Variants in CACUL1 observed in about 807,000 individuals in gnomAD.
CACUL1 encodes CDK2-associated and cullin domain-containing protein 1.
CACUL1 carries 13 observed loss-of-function variants against 45.2 expected under a neutral mutation model. That is an observed-to-expected ratio of 0.29 (90% CI 0.19 to 0.46). The LOEUF (loss-of-function observed/expected upper bound fraction) is 0.46, where lower values mean the gene tolerates loss of function less well. Ranked by LOEUF, CACUL1 falls within the 20% of genes least tolerant of loss-of-function variation. The probability of loss-of-function intolerance (pLI) is 1.00; values close to 1 mark genes in which losing one functional copy is unlikely to be tolerated. For missense variants in CACUL1, 421 were observed against 471.4 expected, an observed-to-expected ratio of 0.89 and a Z score of 0.99; for synonymous variants, 197 against 174.2, an observed-to-expected ratio of 1.13 and a Z score of -1.03.
chr10:118,753,736 G>A (rs1238973015), intron 1 of CACUL1, among the ~76,000 whole-genome samples: 4 of 152,186 alleles, frequency 2.6e-5, no homozygotes, highest in Non-Finnish European at 5.9e-5. Context: ...AACCCATCCT[G>A]AAAGGCTTAT....
chr10:118,744,979 G>A (rs530314458), intron 1 of CACUL1, among the ~76,000 whole-genome samples: 4 of 152,038 alleles, frequency 2.6e-5, no homozygotes, highest in Admixed American at 1.3e-4. Flanking sequence ...AAAAAGATAC[G>A]TGACAGTTTT....
At chr10:118,744,347 T>C (rs1006648645) in intron 1 of CACUL1, among the ~76,000 whole-genome samples, 1 of 151,484 alleles carries the variant, frequency 6.6e-6, no homozygotes, top group African/African-American at 2.4e-5. Context: ...GATCGCGCCA[T>C]TGCACTCCAG....
chr10:118,697,366 C>T (rs985850706), intron 5 of CACUL1, among the ~76,000 whole-genome samples: 2 of 152,216 alleles, frequency 1.3e-5, no homozygotes, highest in African/African-American at 2.4e-5. Context: ...AAATTCTGTA[C>T]TCTACTTCAC....
chr10:118,745,640 AT>A (rs1845834875), intron 1 of CACUL1, among the ~76,000 whole-genome samples: 1 of 152,208 alleles, frequency 6.6e-6, no homozygotes, highest in Admixed American at 6.5e-5. Context: ...GTGCAAGACA[AT>A]ATGATTTAAA....
chr10:118,711,548 A>C (rs1481867246), intron 3 of CACUL1, among the ~76,000 whole-genome samples: 1 of 152,240 alleles, frequency 6.6e-6, no homozygotes, highest in African/African-American at 2.4e-5. Flanking sequence ...CAAAGAAATA[A>C]ATTTTAGAAG....
intron 3 of CACUL1, among the ~76,000 whole-genome samples, chr10:118,724,624 G>A (rs1198571923): frequency 6.6e-6 from 1 of 152,106 alleles, no homozygotes; most frequent in Admixed American, 6.6e-5. Flanking sequence ...TATCAAATTA[G>A]GGTTTTTAGG....
At chr10:118,747,185 T>G (rs900386668) in intron 1 of CACUL1, among the ~76,000 whole-genome samples, 1 of 152,194 alleles carries the variant, frequency 6.6e-6, no homozygotes, top group African/African-American at 2.4e-5. Context: ...AACTGGTCCC[T>G]GGTGGGGACC....
At chr10:118,692,949 G>C (rs994955889) in intron 6 of CACUL1, 1 of 152,188 alleles carries the variant, frequency 6.6e-6, no homozygotes, top group Non-Finnish European at 1.5e-5. Context: ...TTCCAGTCCA[G>C]CTCAAATATG....
chr10:118,744,890 G>A (rs1845826840), intron 1 of CACUL1, among the ~76,000 whole-genome samples: 1 of 152,024 alleles, frequency 6.6e-6, no homozygotes, highest in Admixed American at 6.6e-5. Context: ...TCCTGACCTT[G>A]TGATTCACCC....
Position 118,685,617 on chromosome 10 carries a change from C to G in CACUL1, c.*511G>C, listed in dbSNP as rs765215313. ...TTTCCTTTAACAAGACTTTCTAATG[C>G]TAAACAAAGACCAACTCTTTTAAAA... On this transcript the variant is annotated 3_prime_UTR_variant, in exon 9 of 9. Coordinates refer to ENST00000369151, the MANE Select transcript of CACUL1 (RefSeq NM_153810.5). The G allele has an allele frequency of 6.6e-6, 1 of 152,566 alleles. No individual in the cohort carries two copies. Among genetic ancestry groups the G allele is most frequent in the Non-Finnish European group, 1.5e-5 (1 of 68,088 alleles). 9.5% of individuals were successfully genotyped at this position (152,566 alleles called of 1,614,324 possible).
intron 1 of CACUL1, 40 bp from the exon 2 acceptor site, chr10:118,730,450 A>G (rs908020060): frequency 1.3e-6 from 2 of 1,552,068 alleles, no homozygotes; most frequent in East Asian, 4.9e-5. Context: ...TACGTGCCAC[A>G]TGTGGAGCAA....
chr10:118,724,397 A>AG (rs1323236867), intron 3 of CACUL1, among the ~76,000 whole-genome samples: 1 of 152,040 alleles, frequency 6.6e-6, no homozygotes, highest in Admixed American at 6.6e-5. Flanking sequence ...TGCTCTCAGC[A>AG]GGGGGGGTGG....
At chr10:118,711,162 C>T (rs1845481272) in intron 3 of CACUL1, among the ~76,000 whole-genome samples, 1 of 152,240 alleles carries the variant, frequency 6.6e-6, no homozygotes, top group South Asian at 2.1e-4. Flanking sequence ...TCACTGCAAC[C>T]TCCGTCTCCC....
At position 118,683,127 on chromosome 10, in the gene CACUL1, C is replaced by T. The variant is rs531429924; in HGVS notation, c.*3001G>A. ...TGAAGCTTAAGGCCAACCTTTAAAACATGTACCGTCTCTCAAAACAATTAT... is the reference window on the plus strand; with the variant it reads ...TGAAGCTTAAGGCCAACCTTTAAAATATGTACCGTCTCTCAAAACAATTAT... On this transcript the variant is annotated 3_prime_UTR_variant, in exon 9 of 9. Transcript: ENST00000369151. The T allele has an allele frequency of 2.6e-5, 4 of 152,140 alleles. No homozygotes were observed. Among genetic ancestry groups the T allele is most frequent in the Non-Finnish European group, 5.9e-5 (4 of 68,028 alleles). 9.4% of individuals were successfully genotyped at this position (152,140 alleles called of 1,614,324 possible). A position where few individuals can be genotyped will look rare whatever the true frequency, so the allele number is the denominator to read the frequency against.
chr10:118,710,863 T>C (rs73423951), intron 3 of CACUL1, among the ~76,000 whole-genome samples: 7,391 of 152,324 alleles, frequency 0.049, 581 homozygotes, highest in African/African-American at 0.17. Flanking sequence ...TTAACAAGGC[T>C]GTATGACATT....
At chr10:118,728,143 T>C (rs754714611) in intron 3 of CACUL1, among the ~76,000 whole-genome samples, 24 of 152,102 alleles carry the variant, frequency 1.6e-4, no homozygotes, top group Non-Finnish European at 2.8e-4. Context: ...CAACAACTGT[T>C]TGGGGAAAAA....
intron 3 of CACUL1, among the ~76,000 whole-genome samples, chr10:118,714,457 AAATTTTCCAAAATTTT>A (rs1459900443): frequency 6.6e-6 from 1 of 152,236 alleles, no homozygotes. Flanking sequence ...TGGTAGATAT[AAATTTTCCAAAATTTT>A]AATTTTCACT....
chr10:118,706,687 T>A (rs1268534974), intron 4 of CACUL1, among the ~76,000 whole-genome samples: 1 of 152,234 alleles, frequency 6.6e-6, no homozygotes, highest in Non-Finnish European at 1.5e-5. Context: ...TTACATTGAC[T>A]AGAAAACTCG....
rs1455289295 is a variant in CACUL1 at position 118,686,003 on chromosome 10, C to T, written c.*125G>A. The T allele has an allele frequency of 1.8e-6, 1 of 545,522 alleles. No homozygotes were observed. The highest frequency in any genetic ancestry group is 3.3e-6 in the Non-Finnish European group (1 of 307,530). 33.8% of individuals were successfully genotyped at this position (545,522 alleles called of 1,614,324 possible). ...CAAACCAAGTAAGAAGTCCAACATC[C>T]TCTTCCATGAACAGCTTTGTGACAG... On this transcript the variant is annotated 3_prime_UTR_variant, in exon 9 of 9. Transcript: ENST00000369151.
Sources: allele counts gnomAD v4.1 joint callset (sites outside exome capture counted in the v4.1 genomes callset), GRCh38; gene constraint gnomAD v4.1.1; transcripts MANE v1.5; gene names NCBI Gene and HGNC (gene_info 2026-07-23, HGNC 2026-07-21).